Variants in TSEN2 observed in about 807,000 individuals in gnomAD.
TSEN2 encodes tRNA splicing endonuclease subunit 2.
Under a neutral mutation model 59.2 loss-of-function variants are expected in TSEN2, and 54 were observed. The observed-to-expected ratio is 0.91, with a 90% CI of 0.73 to 1.14. The LOEUF is 1.14. TSEN2 is among the 50% of genes most tolerant of loss of function. The pLI is 0.00. For missense variants in TSEN2, 636 were observed against 576.2 expected, an observed-to-expected ratio of 1.10 and a Z score of -1.06; for synonymous variants, 195 against 198.2, an observed-to-expected ratio of 0.98 and a Z score of 0.14.
intron 8 of TSEN2, among the ~76,000 whole-genome samples, chr3:12,522,914 G>A (rs1042111463): frequency 6.6e-6 from 1 of 152,206 alleles, no homozygotes; most frequent in Non-Finnish European, 1.5e-5. Flanking sequence ...TCCCCTGGCT[G>A]CCAGCTCCTA....
chr3:12,518,303 TGTTC>T (rs1223104022), intron 7 of TSEN2, among the ~76,000 whole-genome samples: 4 of 152,364 alleles, frequency 2.6e-5, no homozygotes, highest in African/African-American at 9.6e-5. Flanking sequence ...AAGTGTTTTT[TGTTC>T]TTCTGAACAT....
chr3:12,520,518 G>A (rs1283275743), intron 8 of TSEN2, among the ~76,000 whole-genome samples: 4 of 151,934 alleles, frequency 2.6e-5, no homozygotes, highest in Non-Finnish European at 5.9e-5. Flanking sequence ...GGCCAGGTGC[G>A]GTGGCTCACG....
intron 6 of TSEN2, chr3:12,514,926 A>T (rs1217874602): frequency 6.6e-6 from 1 of 152,208 alleles, no homozygotes; most frequent in Non-Finnish European, 1.5e-5. Context: ...CATTTTTGCA[A>T]GTCGCTTTAA....
At chr3:12,522,331 T>C (rs2056712943) in intron 8 of TSEN2, among the ~76,000 whole-genome samples, 1 of 152,176 alleles carries the variant, frequency 6.6e-6, no homozygotes, top group African/African-American at 2.4e-5. Flanking sequence ...TGGAGGCCTT[T>C]GCCCTCACTG....
Position 12,507,115 on chromosome 3 carries a change from C to G in TSEN2, c.909+1884C>G, listed in dbSNP as rs751299880. ...GGCTGAGGCAGGAGAATCACTTGAA[C>G]CCGGGAGGCGGAGGTTGCAGTAAGC... On this transcript the variant is annotated intron_variant, in intron 6 of 11. Coordinates refer to ENST00000284995, the MANE Select transcript of TSEN2 (RefSeq NM_025265.4). Among the ~76,000 whole-genome samples, 8 of 152,300 alleles carry G rather than the reference C, an allele frequency of 5.3e-5. No individual in the cohort carries two copies. In the South Asian group the frequency reaches 1.7e-3, roughly 32 times the overall value.
At chr3:12,515,545 C>G (rs1429051305) in intron 6 of TSEN2, among the ~76,000 whole-genome samples, 1 of 152,232 alleles carries the variant, frequency 6.6e-6, no homozygotes, top group Admixed American at 6.5e-5. Context: ...CTGCACCAAT[C>G]TCATGGGAAT....
chr3:12,510,372 A>G (rs1332178271), intron 6 of TSEN2, among the ~76,000 whole-genome samples: 4 of 152,226 alleles, frequency 2.6e-5, no homozygotes, highest in Admixed American at 2.6e-4. Context: ...TTCTTAGTCT[A>G]ACTCCAGTTT....
At chr3:12,508,755 A>G (rs1301266582) in intron 6 of TSEN2, among the ~76,000 whole-genome samples, 1 of 152,222 alleles carries the variant, frequency 6.6e-6, no homozygotes, top group East Asian at 1.9e-4. Context: ...TACCTCAGTT[A>G]TTTCTGAGTA....
chr3:12,484,360 CGCCA>C (rs2052365826), upstream of TSEN2: 1 of 152,318 alleles, frequency 6.6e-6, no homozygotes, highest in Admixed American at 6.5e-5. Flanking sequence ...ACAGAACACC[CGCCA>C]GCCGGCCGTG....
intron 7 of TSEN2, among the ~76,000 whole-genome samples, chr3:12,518,265 G>T (rs1427546755): frequency 6.6e-6 from 1 of 152,186 alleles, no homozygotes; most frequent in African/African-American, 2.4e-5. Context: ...ATGGAGGTTT[G>T]TTTGTTTGTT....
At position 12,527,901 on chromosome 3, in the gene TSEN2, C is replaced by G. The variant is rs141711269; in HGVS notation, c.1100-987C>G. Among the ~76,000 whole-genome samples the G allele has an allele frequency of 3.3e-3, 509 of 152,270 alleles. 5 individuals are homozygous for G. Among genetic ancestry groups the G allele is most frequent in the African/African-American group, 0.012 (496 of 41,554 alleles). ...GATTTGGTGAACAGTTAGCCAGTCC[C>G]TGCCACAGACCATGTGCCTCTGAAG... On this transcript the variant is annotated intron_variant, in intron 8 of 11. Transcript: ENST00000284995.
Position 12,529,869 on chromosome 3 carries a change from C to G in TSEN2, c.1244C>G (p.Ser415Cys), listed in dbSNP as rs762120320. Residue 415 changes from serine to cysteine, a missense_variant, in exon 10 of 12, where the codon TCT (serine) becomes TGT (cysteine). Transcript: ENST00000284995. ...AALSRVSVNV[S>C]KELMLCYLIK... is the part of the protein sequence containing the mutation. ...TTGAGCAGAGTTTCCGTTAATGTCT[C>G]TAAGGTAACACAACATCAGCTTTGC... 9 of 1,613,744 alleles carry G rather than the reference C, an allele frequency of 5.6e-6. No individual in the cohort carries two copies. The highest frequency in any genetic ancestry group is 4.2e-6 in the Non-Finnish European group (5 of 1,180,000).
intron 3 of TSEN2, 95 bp from the exon 4 acceptor site, chr3:12,496,423 T>C: frequency 7.4e-7 from 1 of 1,342,972 alleles, no homozygotes; most frequent in Non-Finnish European, 1.1e-6. Context: ...TGTGTGATTT[T>C]GTGAATCTTA....
At chr3:12,494,877 G>T (rs963267325) in intron 3 of TSEN2, among the ~76,000 whole-genome samples, 1 of 151,496 alleles carries the variant, frequency 6.6e-6, no homozygotes, top group African/African-American at 2.4e-5. Context: ...TGTAATCCCA[G>T]CACTTTGGGA....
At chr3:12,509,985 TGTCAGGCTC>T (rs2055260718) in intron 6 of TSEN2, among the ~76,000 whole-genome samples, 1 of 152,246 alleles carries the variant, frequency 6.6e-6, no homozygotes, top group Non-Finnish European at 1.5e-5. Context: ...TGCTTAAGGA[TGTCAGGCTC>T]ATGTGTCCTT....
At chr3:12,535,553 T>G (rs2057655827), downstream of TSEN2, among the ~76,000 whole-genome samples, 1 of 152,084 alleles carries the variant, frequency 6.6e-6, no homozygotes, top group Non-Finnish European at 1.5e-5. Flanking sequence ...GTGTGTGAGA[T>G]GGAGTTTTGC....
intron 10 of TSEN2, chr3:12,530,606 G>T: frequency 2.0e-6 from 2 of 985,518 alleles, no homozygotes; most frequent in Non-Finnish European, 2.4e-6. Context: ...GAGGTGAGGT[G>T]GGGCTGAGGC....
intron 8 of TSEN2, among the ~76,000 whole-genome samples, chr3:12,520,913 T>C (rs1043434633): frequency 6.6e-6 from 1 of 152,172 alleles, no homozygotes; most frequent in Non-Finnish European, 1.5e-5. Context: ...CCAGTAGTTA[T>C]CTTTTCTGCT....
At chr3:12,516,474 G>A (rs1229053233) in intron 6 of TSEN2, 137 bp from the exon 7 acceptor site, 2 of 701,950 alleles carry the variant, frequency 2.8e-6, no homozygotes, top group South Asian at 3.0e-5. Context: ...GTGTGTGTGT[G>A]TGTGTGTGTG....
Sources: allele counts gnomAD v4.1 joint callset (sites outside exome capture counted in the v4.1 genomes callset), GRCh38; gene constraint gnomAD v4.1.1; transcripts MANE v1.5; gene names NCBI Gene and HGNC (gene_info 2026-07-23, HGNC 2026-07-21).